Variants in NRF1 observed in about 807,000 individuals in gnomAD.
The protein encoded by NRF1 is nuclear respiratory factor 1, also known as alpha palindromic-binding protein.
A neutral mutation model predicts 58.5 loss-of-function variants in NRF1; 5 were observed. That is an observed-to-expected ratio of 0.09 (90% CI 0.04 to 0.18). The LOEUF is 0.18. Among genes scored for constraint, NRF1 ranks in the 10% least tolerant of loss-of-function variants. The pLI is 1.00. For synonymous variants in NRF1, 224 were observed against 246.7 expected, an observed-to-expected ratio of 0.91 and a Z score of 0.86; for missense variants, 288 against 657.7, an observed-to-expected ratio of 0.44 and a Z score of 6.15.
intron 1 of NRF1, among the ~76,000 whole-genome samples, chr7:129,651,166 A>T (rs996989431): frequency 6.6e-6 from 1 of 152,022 alleles, no homozygotes; most frequent in Non-Finnish European, 1.5e-5. Flanking sequence ...TCAAGCCTGT[A>T]ATCCCAGCAC....
intron 1 of NRF1, among the ~76,000 whole-genome samples, chr7:129,652,627 C>T (rs148421846): frequency 2.2e-4 from 34 of 152,226 alleles, no homozygotes; most frequent in Non-Finnish European, 4.0e-4. Context: ...GACGGAGTCT[C>T]GCTCTGTCGC....
chr7:129,692,840 A>G (rs890992101), intron 5 of NRF1, among the ~76,000 whole-genome samples: 2 of 152,126 alleles, frequency 1.3e-5, no homozygotes, highest in Non-Finnish European at 2.9e-5. Context: ...GTTCTCCCAG[A>G]TGATTGCATG....
At chr7:129,665,904 G>A (rs142423214) in intron 2 of NRF1, among the ~76,000 whole-genome samples, 42 of 152,276 alleles carry the variant, frequency 2.8e-4, no homozygotes, top group Admixed American at 2.2e-3. Context: ...GTGAGCCACT[G>A]GGCCTAGCCC....
rs748451861 is a variant in NRF1, at chr7:129,693,552, T to C, written c.606+3006T>C. ...ATGAGATTTTTTGGCGTTTTTTTTT[T>C]CTTCAGCTCATTGGCTGTTATTAAT... On this transcript the variant is annotated intron_variant, in intron 5 of 10. Transcript: ENST00000393232. 5.9e-5 allele frequency among the ~76,000 whole-genome samples: 9 copies of C among 152,252 alleles called. No homozygotes were observed. The South Asian group carries it at 6.2e-4, about 11-fold the overall frequency.
At chr7:129,653,091 C>T (rs889785783) in intron 1 of NRF1, among the ~76,000 whole-genome samples, 4 of 152,162 alleles carry the variant, frequency 2.6e-5, no homozygotes, top group African/African-American at 9.7e-5. Flanking sequence ...TCTGTACTCC[C>T]AGCCCCTGGC....
intron 4 of NRF1, among the ~76,000 whole-genome samples, chr7:129,678,914 C>T (rs1428891377): frequency 6.6e-6 from 1 of 152,062 alleles, no homozygotes; most frequent in African/African-American, 2.4e-5. Context: ...AAGATATAGA[C>T]TCTGTTAAAC....
At chr7:129,685,556 A>AGT (rs67721424) in intron 4 of NRF1, among the ~76,000 whole-genome samples, 8,670 of 142,882 alleles carry the variant, frequency 0.061, 287 homozygotes, top group Admixed American at 0.095. Flanking sequence ...GTCTCATTCA[A>AGT]GTGTGTGTGT....
chr7:129,723,851 TG>T (rs1466513521), intron 9 of NRF1, among the ~76,000 whole-genome samples: 3 of 152,224 alleles, frequency 2.0e-5, no homozygotes, highest in Admixed American at 2.0e-4. Flanking sequence ...GTGTGAGTGG[TG>T]GTGCTGGGAA....
Position 129,625,675 on chromosome 7 carries a change from A to ATTTTT in NRF1, c.-7+13871_-7+13875dup, listed in dbSNP as rs56694598. Among the ~76,000 whole-genome samples the ATTTTT allele has an allele frequency of 4.2e-3, 375 of 88,970 alleles. 11 individuals carry two copies. Among genetic ancestry groups the ATTTTT allele is most frequent in the East Asian group, 7.6e-3 (22 of 2,882 alleles). The allele number at this position is 88,970 out of a possible 152,430, so 58.4% of individuals were successfully genotyped here. On this transcript the variant is annotated intron_variant, in intron 1 of 10. Coordinates refer to ENST00000393232, the MANE Select transcript of NRF1 (RefSeq NM_005011.5). ...GCCACCATGCCCGGCTAATGTTTTA[A>ATTTTT]TTTTTTTTTTTTTTTTTTTTTTTTG...
chr7:129,736,384 C>T (rs1209321088), intron 10 of NRF1, among the ~76,000 whole-genome samples: 5 of 149,670 alleles, frequency 3.3e-5, no homozygotes, highest in East Asian at 2.0e-4. Flanking sequence ...TGGGTTCAAG[C>T]GATTCTCCTG....
intron 1 of NRF1, among the ~76,000 whole-genome samples, chr7:129,630,323 A>C (rs183305245): frequency 2.8e-4 from 42 of 152,356 alleles, no homozygotes; most frequent in Non-Finnish European, 5.1e-4. Flanking sequence ...GATAGTACTT[A>C]CAGAGCTAAC....
intron 10 of NRF1, among the ~76,000 whole-genome samples, chr7:129,733,106 C>G (rs1384620982): frequency 6.6e-6 from 1 of 151,566 alleles, no homozygotes; most frequent in Non-Finnish European, 1.5e-5. Flanking sequence ...TTTGAAAAAA[C>G]TTTTATTCAA....
At chr7:129,629,874 T>C (rs1801010445) in intron 1 of NRF1, among the ~76,000 whole-genome samples, 1 of 152,238 alleles carries the variant, frequency 6.6e-6, no homozygotes, top group Non-Finnish European at 1.5e-5. Flanking sequence ...TCAGTAGTTT[T>C]ACCCCACCAT....
chr7:129,700,342 C>T (rs976214532), intron 5 of NRF1, among the ~76,000 whole-genome samples: 1 of 152,100 alleles, frequency 6.6e-6, no homozygotes, highest in Non-Finnish European at 1.5e-5. Flanking sequence ...GTAGAGTCAC[C>T]TAGGGAACTT....
chr7:129,750,439 G>A (rs942727115), intron 10 of NRF1, among the ~76,000 whole-genome samples: 6 of 152,326 alleles, frequency 3.9e-5, no homozygotes, highest in Middle Eastern at 3.4e-3. Context: ...ACACTGAGGC[G>A]ATTTAATCTA....
Position 129,709,240 on chromosome 7 carries a change from G to T in NRF1, c.765+7G>T, listed in dbSNP as rs189318563. On this transcript the variant is annotated splice_region_variant and intron_variant, in intron 6 of 10. Transcript: ENST00000393232. ...AGAAGAGCAAAAGCAGAGGGTGAGA[G>T]TTCCTCTGACTGAGTTGCCTGGTTG... 4 of 1,459,794 alleles carry T rather than the reference G, an allele frequency of 2.7e-6. No homozygotes were observed. The highest frequency in any genetic ancestry group is 3.6e-6 in the Non-Finnish European group (4 of 1,096,004). The allele number at this position is 1,459,794 out of a possible 1,614,324, so 90.4% of individuals were successfully genotyped here. A position where few individuals can be genotyped will look rare whatever the true frequency, so the allele number is the denominator to read the frequency against.
At chr7:129,718,393 G>A (rs187344171) in intron 9 of NRF1, among the ~76,000 whole-genome samples, 3 of 152,274 alleles carry the variant, frequency 2.0e-5, no homozygotes, top group African/African-American at 7.2e-5. Flanking sequence ...TTCTAGGAGT[G>A]TTATGAGAAC....
chr7:129,621,938 A>G (rs112189432), intron 1 of NRF1, among the ~76,000 whole-genome samples: 2,432 of 151,934 alleles, frequency 0.016, 57 homozygotes, highest in African/African-American at 0.053. Flanking sequence ...ACCCGCCACC[A>G]TGCCGGGCTA....
At chr7:129,644,672 A>G (rs1300356759) in intron 1 of NRF1, among the ~76,000 whole-genome samples, 2 of 152,232 alleles carry the variant, frequency 1.3e-5, no homozygotes, top group Non-Finnish European at 2.9e-5. Context: ...AAGTTCTACC[A>G]GACAGTGCTA....
Sources: allele counts gnomAD v4.1 joint callset (sites outside exome capture counted in the v4.1 genomes callset), GRCh38; gene constraint gnomAD v4.1.1; transcripts MANE v1.5; gene names NCBI Gene and HGNC (gene_info 2026-07-23, HGNC 2026-07-21).